The following RAD51B variants were observed in gnomAD, a reference collection of about 807,000 sequenced individuals.
RAD51B encodes RAD51 paralog B, also known as DNA repair protein RAD51 homolog 2.
RAD51B carries 38 observed loss-of-function variants against 42.2 expected under a neutral mutation model. The ratio of observed to expected loss-of-function variants is 0.90; its 90% CI spans 0.70 to 1.18. RAD51B has a LOEUF of 1.18. Ranked by LOEUF, RAD51B falls within the 50% of genes most tolerant of loss-of-function variation. The pLI is 0.00. For missense variants in RAD51B, 373 were observed against 400.7 expected, an observed-to-expected ratio of 0.93 and a Z score of 0.59; for synonymous variants, 154 against 145.2, an observed-to-expected ratio of 1.06 and a Z score of -0.43.
intron 7 of RAD51B, among the ~76,000 whole-genome samples, chr14:67,967,208 A>G (rs2074797900): frequency 6.6e-6 from 1 of 152,194 alleles, no homozygotes; most frequent in South Asian, 2.1e-4. Flanking sequence ...CATGATTCAA[A>G]CTATCTTCCA....
At chr14:68,203,465 A>G (rs919571953) in intron 7 of RAD51B, among the ~76,000 whole-genome samples, 1 of 152,190 alleles carries the variant, frequency 6.6e-6, no homozygotes, top group Non-Finnish European at 1.5e-5. Context: ...TTGTCGTTCC[A>G]CTTCTAGAGC....
intron 7 of RAD51B, among the ~76,000 whole-genome samples, chr14:67,910,237 G>A (rs1472149896): frequency 6.6e-6 from 1 of 151,694 alleles, no homozygotes; most frequent in Non-Finnish European, 1.5e-5. Context: ...TTTCAGAAAG[G>A]ATGTTTACTG....
chr14:68,108,103 T>C lies in RAD51B; in HGVS notation c.757-183781T>C, dbSNP rs185966277. On this transcript the variant is annotated intron_variant, in intron 7 of 10. Coordinates refer to ENST00000471583, the MANE Select transcript of RAD51B (RefSeq NM_133510.4). ...TCAACAGCATCAGTCATTGATGGAA[T>C]ACAAGTCAAAACCATAATAAGATAC... Among the ~76,000 whole-genome samples the C allele has an allele frequency of 6.6e-5, 10 of 151,924 alleles. No homozygotes were observed. The East Asian group carries it at 1.9e-3, about 29-fold the overall frequency.
intron 8 of RAD51B, among the ~76,000 whole-genome samples, chr14:68,366,750 C>G (rs1017768541): frequency 6.6e-6 from 1 of 152,200 alleles, no homozygotes; most frequent in African/African-American, 2.4e-5. Flanking sequence ...TAGTTTAATG[C>G]TCTCAAGAGG....
intron 8 of RAD51B, among the ~76,000 whole-genome samples, chr14:68,396,464 C>T (rs1382853493): frequency 6.6e-6 from 1 of 152,096 alleles, no homozygotes; most frequent in Non-Finnish European, 1.5e-5. Context: ...ATGATTAACA[C>T]AGCGATTCTA....
chr14:68,204,005 C>A (rs746483094), intron 7 of RAD51B, among the ~76,000 whole-genome samples: 2 of 152,218 alleles, frequency 1.3e-5, no homozygotes, highest in Admixed American at 6.5e-5. Context: ...TCCCTATGAG[C>A]AATAAGGTTG....
intron 10 of RAD51B, among the ~76,000 whole-genome samples, chr14:68,560,593 G>A (rs1392878216): frequency 4.6e-5 from 7 of 152,124 alleles, no homozygotes; most frequent in Non-Finnish European, 7.3e-5. Context: ...AAAATTAGCC[G>A]GGCATGGTGG....
Position 68,357,004 on chromosome 14 carries a change from T to A in RAD51B, c.854-54420T>A, listed in dbSNP as rs76596009. ...TCTCAAAAAAAAAAAAAAAAAAAAA[T>A]GACAATAATGAAGTTTGCCTTATGG... On this transcript the variant is annotated intron_variant, in intron 8 of 10. Coordinates refer to ENST00000471583, the MANE Select transcript of RAD51B (RefSeq NM_133510.4). 4.5e-3 allele frequency among the ~76,000 whole-genome samples: 470 copies of A among 104,396 alleles called. 7 individuals carry two copies. Among genetic ancestry groups the A allele is most frequent in the East Asian group, 0.026 (78 of 3,030 alleles). 68.5% of individuals were successfully genotyped at this position (104,396 alleles called of 152,430 possible). A position where few individuals can be genotyped will look rare whatever the true frequency, so the allele number is the denominator to read the frequency against.
intron 9 of RAD51B, among the ~76,000 whole-genome samples, chr14:68,415,239 C>T (rs2084527362): frequency 6.6e-6 from 1 of 151,984 alleles, no homozygotes; most frequent in South Asian, 2.1e-4. Flanking sequence ...TTGGGAACCT[C>T]TGCCTTAAAT....
intron 7 of RAD51B, among the ~76,000 whole-genome samples, chr14:68,077,519 C>A (rs538611470): frequency 7.9e-5 from 12 of 152,234 alleles, no homozygotes; most frequent in Non-Finnish European, 1.3e-4. Flanking sequence ...CTTTTCTAAG[C>A]ATACACACAT....
intron 7 of RAD51B, among the ~76,000 whole-genome samples, chr14:68,226,421 G>A (rs2080040008): frequency 6.6e-6 from 1 of 152,146 alleles, no homozygotes; most frequent in Admixed American, 6.5e-5. Flanking sequence ...ATCTCACCTT[G>A]AATTGTAGCT....
chr14:68,228,609 G>A (rs1288253042), intron 7 of RAD51B, among the ~76,000 whole-genome samples: 1 of 152,132 alleles, frequency 6.6e-6, no homozygotes, highest in African/African-American at 2.4e-5. Flanking sequence ...AGCTCTTGAT[G>A]TGTAAGACAT....
At chr14:67,895,110 TTGGAGACTGATAGGTAG>T (rs2043368248) in intron 7 of RAD51B, among the ~76,000 whole-genome samples, 1 of 152,188 alleles carries the variant, frequency 6.6e-6, no homozygotes, top group Non-Finnish European at 1.5e-5. Context: ...CAGTGCTCTT[TTGGAGACTGATAGGTAG>T]TGGTTAAATT....
intron 7 of RAD51B, among the ~76,000 whole-genome samples, chr14:68,244,428 A>C (rs1358864986): frequency 6.6e-6 from 1 of 152,280 alleles, no homozygotes; most frequent in East Asian, 1.9e-4. Flanking sequence ...TCTCTTTCCC[A>C]TTGTTTCAGA....
intron 10 of RAD51B, among the ~76,000 whole-genome samples, chr14:68,493,660 T>C (rs1359230349): frequency 6.6e-6 from 1 of 152,198 alleles, no homozygotes; most frequent in Non-Finnish European, 1.5e-5. Context: ...CCCAGACCTA[T>C]TTTATAGAAG....
At chr14:67,903,683 C>CT (rs1200135625) in intron 7 of RAD51B, among the ~76,000 whole-genome samples, 3 of 152,178 alleles carry the variant, frequency 2.0e-5, no homozygotes, top group Non-Finnish European at 2.9e-5. Context: ...CCAACTTCTT[C>CT]TACAACTGAG....
chr14:68,625,060 C>T (rs1055316191), intron 10 of RAD51B, among the ~76,000 whole-genome samples: 1 of 152,170 alleles, frequency 6.6e-6, no homozygotes, highest in African/African-American at 2.4e-5. Context: ...AAGTAGCTTG[C>T]ACGAGGTCAC....
intron 9 of RAD51B, among the ~76,000 whole-genome samples, chr14:68,466,833 G>A (rs2085998669): frequency 6.6e-6 from 1 of 152,226 alleles, no homozygotes; most frequent in Non-Finnish European, 1.5e-5. Context: ...GGCTGCTAGA[G>A]GAAAATTGTA....
At chr14:67,943,826 T>C (rs2045290190) in intron 7 of RAD51B, among the ~76,000 whole-genome samples, 1 of 152,132 alleles carries the variant, frequency 6.6e-6, no homozygotes, top group Admixed American at 6.6e-5. Context: ...AGTTAGGGCC[T>C]ACTTAAGAAG....
Sources: gnomAD v4.1 joint callset for allele counts (sites outside exome capture counted in the v4.1 genomes callset) on GRCh38, gnomAD v4.1.1 for gene constraint, MANE v1.5 for transcripts, NCBI Gene and HGNC (gene_info 2026-07-23, HGNC 2026-07-21) for gene names.